The following ZFHX3 variants were observed in gnomAD, a reference collection of about 807,000 sequenced individuals.
The protein encoded by ZFHX3 is zinc finger homeobox protein 3.
ZFHX3 carries 42 observed loss-of-function variants against 279.1 expected under a neutral mutation model. The observed-to-expected ratio is 0.15, with a 90% confidence interval of 0.12 to 0.19. ZFHX3 has a LOEUF of 0.19. Among genes scored for constraint, ZFHX3 ranks in the 10% least tolerant of loss-of-function variants. The probability of loss-of-function intolerance (pLI) is 1.00; values close to 1 mark genes in which losing one functional copy is unlikely to be tolerated. For missense variants in ZFHX3, 4,981 were observed against 4,754.0 expected, an observed-to-expected ratio of 1.05 and a Z score of -1.40; for synonymous variants, 2,293 against 1,957.8, an observed-to-expected ratio of 1.17 and a Z score of -4.52.
At chr16:73,335,507 C>T (rs1238305276) in intron 3 of ZFHX3, among the ~76,000 whole-genome samples, 1 of 152,152 alleles carries the variant, frequency 6.6e-6, no homozygotes, top group Non-Finnish European at 1.5e-5. Flanking sequence ...TGTAACCATC[C>T]ACGGCTTTAT....
At chr16:73,778,058 GA>G (rs1291519705) in intron 1 of ZFHX3, among the ~76,000 whole-genome samples, 1 of 151,118 alleles carries the variant, frequency 6.6e-6, no homozygotes, top group Admixed American at 6.6e-5. Flanking sequence ...AAATGAAAAT[GA>G]AAAAAATAAT....
chr16:73,599,672 G>A (rs1261495282), intron 2 of ZFHX3, among the ~76,000 whole-genome samples: 2 of 150,074 alleles, frequency 1.3e-5, no homozygotes, highest in Non-Finnish European at 3.0e-5. Context: ...GATGGCAGCT[G>A]ATTGAGAACT....
intron 1 of ZFHX3, among the ~76,000 whole-genome samples, chr16:73,057,735 C>A (rs1965589929): frequency 6.6e-6 from 1 of 151,504 alleles, no homozygotes; most frequent in Non-Finnish European, 1.5e-5. Context: ...GCCAGTGGGG[C>A]AGGGCGGAGA....
intron 5 of ZFHX3, among the ~76,000 whole-genome samples, chr16:73,162,644 GT>G (rs1567406669): frequency 6.6e-6 from 1 of 152,088 alleles, no homozygotes; most frequent in Non-Finnish European, 1.5e-5. Flanking sequence ...GTATTGTTTT[GT>G]AGAGATGAGG....
intron 1 of ZFHX3, among the ~76,000 whole-genome samples, chr16:73,842,026 C>G (rs143961429): frequency 6.6e-6 from 1 of 151,052 alleles, no homozygotes; most frequent in African/African-American, 2.4e-5. Context: ...ACCAGCCTGA[C>G]CAACATGGTG....
At chr16:73,337,900 G>C (rs75818049) in intron 3 of ZFHX3, among the ~76,000 whole-genome samples, 16,689 of 134,444 alleles carry the variant, frequency 0.12, 3,158 homozygotes, top group East Asian at 0.34. Flanking sequence ...GGCGGGGGGG[G>C]GGGTCCTCAT....
At chr16:72,944,883 AAG>A (rs1345935910) in intron 3 of ZFHX3, among the ~76,000 whole-genome samples, 2 of 152,248 alleles carry the variant, frequency 1.3e-5, no homozygotes, top group African/African-American at 4.8e-5. Context: ...ATTTAGAAAA[AAG>A]AGAATAAAAG....
At chr16:73,659,325 G>A (rs1000850660) in intron 2 of ZFHX3, among the ~76,000 whole-genome samples, 7 of 152,094 alleles carry the variant, frequency 4.6e-5, no homozygotes, top group Admixed American at 2.0e-4. Flanking sequence ...GGAAGAGAAG[G>A]ACCCTGAAGT....
intron 3 of ZFHX3, among the ~76,000 whole-genome samples, chr16:73,387,579 C>A (rs547061241): frequency 2.0e-5 from 3 of 151,894 alleles, no homozygotes; most frequent in Non-Finnish European, 4.4e-5. Flanking sequence ...GTAAAACCCA[C>A]GGAAAAATAG....
chr16:72,813,639 C>G (rs992983346), intron 5 of ZFHX3, among the ~76,000 whole-genome samples: 26 of 152,172 alleles, frequency 1.7e-4, no homozygotes, highest in Non-Finnish European at 3.2e-4. Context: ...AGATCCTCCT[C>G]CTCCCAACAC....
intron 3 of ZFHX3, among the ~76,000 whole-genome samples, chr16:73,392,953 G>A (rs1328895328): frequency 6.6e-6 from 1 of 152,198 alleles, no homozygotes; most frequent in African/African-American, 2.4e-5. Flanking sequence ...TCCCGCCTCA[G>A]CCTCCTGAGT....
At chr16:73,618,511 C>T (rs944652253) in intron 2 of ZFHX3, among the ~76,000 whole-genome samples, 1 of 152,162 alleles carries the variant, frequency 6.6e-6, no homozygotes, top group African/African-American at 2.4e-5. Context: ...TTCCACAGCT[C>T]ATAATGACAA....
At chr16:73,066,015 G>A (rs1965747367) in intron 8 of ZFHX3, among the ~76,000 whole-genome samples, 1 of 152,190 alleles carries the variant, frequency 6.6e-6, no homozygotes, top group Non-Finnish European at 1.5e-5. Context: ...GCCGGCAGGA[G>A]TCCGGCGCAC....
intron 1 of ZFHX3, among the ~76,000 whole-genome samples, chr16:73,000,277 G>C (rs1963446027): frequency 2.0e-5 from 3 of 152,246 alleles, no homozygotes; most frequent in African/African-American, 7.2e-5. Flanking sequence ...TGAAAGGAAG[G>C]AAGGAGGCGC....
chr16:72,814,612 T>C (rs2036553109), intron 5 of ZFHX3, among the ~76,000 whole-genome samples: 1 of 149,120 alleles, frequency 6.7e-6, no homozygotes, highest in African/African-American at 2.4e-5. Flanking sequence ...GGAACTTCTT[T>C]TTTTTTTTTT....
intron 3 of ZFHX3, among the ~76,000 whole-genome samples, chr16:72,908,656 C>T (rs948397183): frequency 6.6e-6 from 1 of 152,186 alleles, no homozygotes; most frequent in African/African-American, 2.4e-5. Flanking sequence ...CCAATGCCAA[C>T]ATGACTCATG....
chr16:72,951,594 G>C (rs1961004462), intron 2 of ZFHX3, among the ~76,000 whole-genome samples: 1 of 152,158 alleles, frequency 6.6e-6, no homozygotes. Context: ...TCCCTTCTCT[G>C]AGATCCAAGA....
At chr16:73,268,435 A>G (rs931956115) in intron 4 of ZFHX3, among the ~76,000 whole-genome samples, 1 of 152,156 alleles carries the variant, frequency 6.6e-6, no homozygotes, top group Non-Finnish European at 1.5e-5. Context: ...CCCAGACCCT[A>G]CCCACAGGAG....
chr16:72,990,397 G>C (rs533738682), intron 1 of ZFHX3, among the ~76,000 whole-genome samples: 1 of 152,118 alleles, frequency 6.6e-6, no homozygotes, highest in Admixed American at 6.6e-5. Flanking sequence ...CTCACACATC[G>C]TGCCCCTGCC....
Sources: allele counts gnomAD v4.1 joint callset (sites outside exome capture counted in the v4.1 genomes callset), GRCh38; gene constraint gnomAD v4.1.1; transcripts MANE v1.5; gene names NCBI Gene and HGNC (gene_info 2026-07-23, HGNC 2026-07-21).